The following IMMP2L variants were observed in gnomAD, a reference collection of about 807,000 sequenced individuals.
IMMP2L encodes mitochondrial inner membrane protease subunit 2.
Under a neutral mutation model 19.3 loss-of-function variants are expected in IMMP2L, and 18 were observed. That is an observed-to-expected ratio of 0.93 (90% CI 0.64 to 1.38). The LOEUF (loss-of-function observed/expected upper bound fraction) is 1.38, where lower values mean the gene tolerates loss of function less well. Among genes scored for constraint, IMMP2L ranks in the 40% most tolerant of loss-of-function variants. IMMP2L has a pLI of 0.00. For missense variants in IMMP2L, 233 were observed against 218.2 expected (o/e 1.07, Z -0.43); for synonymous variants, 76 against 73.0 (o/e 1.04, Z -0.21).
intron 4 of IMMP2L, among the ~76,000 whole-genome samples, chr7:110,926,598 T>A (rs1814883375): frequency 6.6e-6 from 1 of 152,172 alleles, no homozygotes; most frequent in Admixed American, 6.6e-5. Flanking sequence ...GATGTATATG[T>A]ATTCCGTTAA....
chr7:111,068,498 T>C (rs12668074), intron 3 of IMMP2L, among the ~76,000 whole-genome samples: 118,452 of 152,116 alleles, frequency 0.78, 48,680 homozygotes, highest in Non-Finnish European at 0.9. Flanking sequence ...AGTACTGCTT[T>C]ACAGTTCTGT....
At chr7:111,094,002 C>A (rs1467163091) in intron 3 of IMMP2L, among the ~76,000 whole-genome samples, 1 of 152,080 alleles carries the variant, frequency 6.6e-6, no homozygotes, top group Admixed American at 6.6e-5. Flanking sequence ...GCCTTCCAGG[C>A]CAGCAATTTA....
intron 3 of IMMP2L, chr7:111,392,873 G>A: frequency 4.4e-6 from 2 of 456,228 alleles, no homozygotes; most frequent in Non-Finnish European, 8.8e-6. Context: ...GGTCTGGAAG[G>A]GTCCAGAGCA....
intron 3 of IMMP2L, among the ~76,000 whole-genome samples, chr7:111,350,654 C>T (rs547017236): frequency 9.2e-5 from 14 of 152,208 alleles, no homozygotes; most frequent in African/African-American, 3.4e-4. Flanking sequence ...AGCTTGACCT[C>T]ACCATAGAAT....
At chr7:111,329,442 T>G (rs1323185200) in intron 3 of IMMP2L, among the ~76,000 whole-genome samples, 1 of 151,864 alleles carries the variant, frequency 6.6e-6, no homozygotes, top group East Asian at 1.9e-4. Context: ...CAAGAGCAGT[T>G]CAGGAGAAAC....
chr7:111,264,969 C>A (rs1817683568), intron 3 of IMMP2L, among the ~76,000 whole-genome samples: 1 of 152,024 alleles, frequency 6.6e-6, no homozygotes, highest in African/African-American at 2.4e-5. Context: ...ATCTTTGTTA[C>A]CTGCATCTTG....
At chr7:111,468,274 T>C (rs1840875285) in intron 3 of IMMP2L, among the ~76,000 whole-genome samples, 1 of 152,138 alleles carries the variant, frequency 6.6e-6, no homozygotes, top group African/African-American at 2.4e-5. Context: ...GTTACCTGGA[T>C]GTTATTAACC....
At chr7:111,204,778 G>T (rs1810520946) in intron 3 of IMMP2L, among the ~76,000 whole-genome samples, 1 of 152,144 alleles carries the variant, frequency 6.6e-6, no homozygotes. Context: ...GAAGTTAACT[G>T]ACCTACTGAA....
chr7:110,974,454 A>C (rs1820483190), intron 3 of IMMP2L, among the ~76,000 whole-genome samples: 1 of 152,140 alleles, frequency 6.6e-6, no homozygotes, highest in Admixed American at 6.6e-5. Flanking sequence ...AAATAGTCTA[A>C]CCGTATTACC....
At chr7:110,855,907 T>C (rs1046200891) in intron 5 of IMMP2L, among the ~76,000 whole-genome samples, 1 of 152,004 alleles carries the variant, frequency 6.6e-6, no homozygotes, top group African/African-American at 2.4e-5. Flanking sequence ...TTACAAATTA[T>C]ACTTACTATA....
In IMMP2L at chr7:111,487,291, G is replaced by A. The variant is rs1161559107; in HGVS notation, c.186C>T (p.Asn62=). ...CTTCAAAATTCCTCACTTTCCAGTG[G>A]TTCAAAAGCACCACATCAGATGACT... ...GSQSSDVVLL[N]HWKVRNFEVH... is the part of the protein sequence containing the mutation. The change falls in exon 3 of 6, where the codon AAC becomes AAT. Residue 62 remains asparagine (N), a synonymous_variant. Transcript: ENST00000405709. 1 of 1,611,084 alleles carries A rather than the reference G, an allele frequency of 6.2e-7. No homozygotes were observed. Among genetic ancestry groups the A allele is most frequent in the African/African-American group, 1.3e-5 (1 of 74,942 alleles).
intron 3 of IMMP2L, among the ~76,000 whole-genome samples, chr7:111,381,435 G>T (rs1831194150): frequency 6.6e-6 from 1 of 151,924 alleles, no homozygotes; most frequent in African/African-American, 2.4e-5. Context: ...GGATAAACTA[G>T]ATCAAATAAA....
intron 3 of IMMP2L, among the ~76,000 whole-genome samples, chr7:111,364,336 TA>T (rs1267303573): frequency 2.0e-5 from 3 of 152,148 alleles, no homozygotes; most frequent in South Asian, 2.1e-4. Flanking sequence ...TATTTTGGTT[TA>T]AAAAAAATCT....
intron 3 of IMMP2L, among the ~76,000 whole-genome samples, chr7:110,995,894 T>C (rs1822978163): frequency 1.3e-5 from 2 of 152,130 alleles, no homozygotes; most frequent in Admixed American, 1.3e-4. Flanking sequence ...GTTAGGACAT[T>C]ATCAACAAAT....
At chr7:111,399,616 A>G (rs1319522245) in intron 3 of IMMP2L, among the ~76,000 whole-genome samples, 2 of 152,012 alleles carry the variant, frequency 1.3e-5, no homozygotes, top group African/African-American at 4.8e-5. Context: ...CAGCCTCCCA[A>G]AGTGCTGGGA....
intron 3 of IMMP2L, among the ~76,000 whole-genome samples, chr7:111,221,411 G>C (rs936624262): frequency 2.0e-5 from 3 of 151,900 alleles, no homozygotes; most frequent in African/African-American, 7.3e-5. Context: ...CAAATTATTA[G>C]AAGATTTCAA....
At chr7:110,702,298 G>C (rs1171964917) in intron 5 of IMMP2L, among the ~76,000 whole-genome samples, 1 of 151,802 alleles carries the variant, frequency 6.6e-6, no homozygotes, top group Non-Finnish European at 1.5e-5. Flanking sequence ...ATACAAATTT[G>C]GATTTTATTT....
intron 5 of IMMP2L, among the ~76,000 whole-genome samples, chr7:110,780,841 C>T (rs1382847760): frequency 6.6e-6 from 1 of 151,818 alleles, no homozygotes; most frequent in Non-Finnish European, 1.5e-5. Flanking sequence ...AGAGTGCCAG[C>T]CTTTTGCTTC....
At chr7:111,359,022 G>A (rs75405202) in intron 3 of IMMP2L, among the ~76,000 whole-genome samples, 3,955 of 152,166 alleles carry the variant, frequency 0.026, 78 homozygotes, top group Non-Finnish European at 0.039. Context: ...AAGCTAGAAA[G>A]CTAAAGTTTA....
Sources: gnomAD v4.1 joint callset for allele counts (sites outside exome capture counted in the v4.1 genomes callset) on GRCh38, gnomAD v4.1.1 for gene constraint, MANE v1.5 for transcripts, NCBI Gene and HGNC (gene_info 2026-07-23, HGNC 2026-07-21) for gene names.